The following KPNA3 variants were observed in gnomAD, a reference collection of about 807,000 sequenced individuals.
KPNA3 encodes the protein karyopherin subunit alpha 3.
A neutral mutation model predicts 73.8 loss-of-function variants in KPNA3; 13 were observed. The ratio of observed to expected loss-of-function variants is 0.18; its 90% CI spans 0.11 to 0.28. The LOEUF is 0.28. Ranked by LOEUF, KPNA3 falls within the 10% of genes least tolerant of loss-of-function variation. The pLI, the probability that KPNA3 is intolerant of heterozygous loss-of-function variation, is 1.00. For missense variants in KPNA3, 360 were observed against 618.1 expected (o/e 0.58, Z 4.43); for synonymous variants, 186 against 206.9 (o/e 0.90, Z 0.87).
intron 1 of KPNA3, among the ~76,000 whole-genome samples, chr13:49,791,935 C>T (rs1402451527): frequency 2.0e-5 from 3 of 152,250 alleles, no homozygotes; most frequent in Non-Finnish European, 4.4e-5. Context: ...CGGGCCGCCA[C>T]CGCCCGCCTG....
At chr13:49,723,739 G>A (rs183388715) in intron 7 of KPNA3, among the ~76,000 whole-genome samples, 22 of 151,558 alleles carry the variant, frequency 1.5e-4, no homozygotes, top group Non-Finnish European at 2.5e-4. Flanking sequence ...ACATGGTGGT[G>A]TGTGCCTGTA....
intron 1 of KPNA3, among the ~76,000 whole-genome samples, chr13:49,771,183 A>C (rs944451511): frequency 4.6e-5 from 7 of 152,020 alleles, no homozygotes; most frequent in African/African-American, 1.4e-4. Context: ...GAAAAAAAGA[A>C]AAAAGGCAAG....
intron 10 of KPNA3, among the ~76,000 whole-genome samples, chr13:49,716,801 C>T (rs943851619): frequency 3.3e-5 from 5 of 152,118 alleles, no homozygotes; most frequent in South Asian, 2.1e-4. Context: ...ATTCCTGAAA[C>T]GCCAGGAATT....
chr13:49,769,044 T>C (rs1954832479), intron 1 of KPNA3, among the ~76,000 whole-genome samples: 1 of 152,192 alleles, frequency 6.6e-6, no homozygotes, highest in Admixed American at 6.5e-5. Flanking sequence ...GTTTTAAGAA[T>C]AGGCTCTCCT....
rs1594427813 is a variant in KPNA3, at chr13:49,705,671, A to G, written c.1322T>C (p.Met441Thr). 1 of 1,614,144 alleles carries G rather than the reference A, an allele frequency of 6.2e-7. No homozygotes were observed. The highest frequency in any genetic ancestry group is 1.1e-5 in the South Asian group (1 of 91,084). ...VLDGLKNILIMAGDEASTIAE... is the reference protein window; with the variant it reads ...VLDGLKNILITAGDEASTIAE... ...TATTGTGCTTGCTTCATCACCGGCC[A>G]TTATCAGAATGTTTTTTAGACCATC... The change falls in exon 15 of 17, where the codon ATG becomes ACG. Residue 441 changes from methionine to threonine, a missense_variant. Physicochemically the swap from Met to Thr is moderately conservative, Grantham distance 81. This residue lies in a region of KPNA3 where 287 missense variants were observed against 549.1 expected (regional missense o/e 0.52). Coordinates refer to ENST00000261667, the MANE Select transcript of KPNA3 (RefSeq NM_002267.4).
chr13:49,757,586 G>A (rs1395025661), intron 1 of KPNA3, among the ~76,000 whole-genome samples: 1 of 152,056 alleles, frequency 6.6e-6, no homozygotes, highest in Non-Finnish European at 1.5e-5. Context: ...TTGTGGGAAT[G>A]TAAAATGACA....
chr13:49,790,268 A>G (rs1334267408), intron 1 of KPNA3, among the ~76,000 whole-genome samples: 1 of 152,182 alleles, frequency 6.6e-6, no homozygotes, highest in African/African-American at 2.4e-5. Flanking sequence ...GGAGTTCAAG[A>G]CAAGCTTGGG....
Position 49,722,210 on chromosome 13 carries a change from C to T in KPNA3, c.557-86G>A, listed in dbSNP as rs564300413. On this transcript the variant is annotated intron_variant, in intron 8 of 16. Transcript: ENST00000261667. ...GTATGCAATGGCTCATGTGGGAACA[C>T]TGACGTTCTATGTTTCCTCACCATT... 7 of 917,734 alleles carry T rather than the reference C, an allele frequency of 7.6e-6. No individual in the cohort carries two copies. The South Asian group carries it at 1.1e-4, about 15-fold the overall frequency. 56.8% of individuals were successfully genotyped at this position (917,734 alleles called of 1,614,324 possible).
chr13:49,709,356 G>A (rs930883631), intron 12 of KPNA3, among the ~76,000 whole-genome samples: 1 of 147,290 alleles, frequency 6.8e-6, no homozygotes, highest in African/African-American at 2.5e-5. Flanking sequence ...AGCCGAGATC[G>A]TGCCACTGCA....
At chr13:49,721,927 C>T in intron 9 of KPNA3, 28 bp downstream of exon 9, 1 of 1,445,278 alleles carries the variant, frequency 6.9e-7, no homozygotes, top group Non-Finnish European at 9.3e-7. Context: ...GAAAATATAC[C>T]ATCTGGCCTT....
intron 10 of KPNA3, among the ~76,000 whole-genome samples, chr13:49,716,361 T>C (rs1954303861): frequency 6.6e-6 from 1 of 152,222 alleles, no homozygotes; most frequent in South Asian, 2.1e-4. Context: ...CTATATGATC[T>C]AGAACCTATT....
chr13:49,702,657 A>G (rs1350073334), intron 15 of KPNA3, among the ~76,000 whole-genome samples, 177 bp from the exon 16 acceptor site: 8 of 152,162 alleles, frequency 5.3e-5, no homozygotes, highest in Non-Finnish European at 1.2e-4. Flanking sequence ...TAGTTGGAGG[A>G]CCAGAATCCC....
chr13:49,702,364 C>A (rs370528024), intron 16 of KPNA3, 22 bp downstream of exon 16: 3 of 1,166,914 alleles, frequency 2.6e-6, no homozygotes, highest in Admixed American at 1.9e-5. Context: ...TGAAGATACA[C>A]GCTATTTTAA....
At chr13:49,721,592 G>A (rs1003034236) in intron 9 of KPNA3, among the ~76,000 whole-genome samples, 2 of 152,158 alleles carry the variant, frequency 1.3e-5, no homozygotes, top group African/African-American at 2.4e-5. Context: ...GGCCGAGGCG[G>A]GCAGATCACG....
At chr13:49,771,302 T>C (rs1954853538) in intron 1 of KPNA3, among the ~76,000 whole-genome samples, 1 of 152,240 alleles carries the variant, frequency 6.6e-6, no homozygotes, top group African/African-American at 2.4e-5. Flanking sequence ...TATTTCCATT[T>C]ACTTAGATCT....
chr13:49,700,453 C>T lies in KPNA3; in HGVS notation c.*1347G>A, dbSNP rs1024328612. ...TAAATCCATATTCTTTCATTAATAA[C>T]TGGGTCAGACAATTTACCAAAAGCA... On this transcript the variant is annotated 3_prime_UTR_variant, in exon 17 of 17. Coordinates refer to ENST00000261667, the MANE Select transcript of KPNA3 (RefSeq NM_002267.4). 6.6e-6 allele frequency: 1 copy of T among 152,632 alleles called. No individual in the cohort carries two copies. The highest frequency in any genetic ancestry group is 1.5e-5 in the Non-Finnish European group (1 of 68,028). 9.5% of individuals were successfully genotyped at this position (152,632 alleles called of 1,614,324 possible). A position where few individuals can be genotyped will look rare whatever the true frequency, so the allele number is the denominator to read the frequency against.
chr13:49,732,590 C>A lies in KPNA3; in HGVS notation c.287+15G>T. The A allele has an allele frequency of 6.3e-7, 1 of 1,594,568 alleles. No individual in the cohort carries two copies. The highest frequency in any genetic ancestry group is 8.6e-7 in the Non-Finnish European group (1 of 1,164,508). On this transcript the variant is annotated intron_variant, in intron 5 of 16. Coordinates refer to ENST00000261667, the MANE Select transcript of KPNA3 (RefSeq NM_002267.4). The stretch of plus-strand genomic sequence containing the variant: ...GGAATGACATAATTCTCTCTCTAGA[C>A]AAATTAGTATTTACCTTGCTGCCTG...
At chr13:49,767,909 A>G (rs967869262) in intron 1 of KPNA3, among the ~76,000 whole-genome samples, 2 of 152,226 alleles carry the variant, frequency 1.3e-5, no homozygotes, top group Admixed American at 6.5e-5. Flanking sequence ...CTAAGTTACA[A>G]TGTGAGTACC....
At chr13:49,737,574 TG>T (rs1457648981) in intron 2 of KPNA3, among the ~76,000 whole-genome samples, 2 of 11,544 alleles carry the variant, frequency 1.7e-4, no homozygotes, top group Non-Finnish European at 9.1e-4. Context: ...TGTGTGTGTG[TG>T]TGTGTGTGTG....
Sources: gnomAD v4.1 joint callset for allele counts (sites outside exome capture counted in the v4.1 genomes callset) on GRCh38, gnomAD v4.1.1 for gene constraint, gnomAD v4.1.1 regional missense constraint, MANE v1.5 for transcripts, NCBI Gene and HGNC (gene_info 2026-07-23, HGNC 2026-07-21) for gene names.